PTPRN2: variants seen among roughly 807,000 people sequenced by gnomAD.
PTPRN2 encodes protein tyrosine phosphatase receptor type N2, also known as receptor-type tyrosine-protein phosphatase N2.
Under a neutral mutation model 118.8 loss-of-function variants are expected in PTPRN2, and 74 were observed. The ratio of observed to expected loss-of-function variants is 0.62; its 90% CI spans 0.52 to 0.76. The LOEUF is 0.76. Ranked by LOEUF, PTPRN2 falls within the 30% of genes least tolerant of loss-of-function variation. PTPRN2 has a pLI of 0.00. For synonymous variants in PTPRN2, 641 were observed against 608.0 expected (o/e 1.05, Z -0.80); for missense variants, 1,481 against 1,394.4 (o/e 1.06, Z -0.99).
chr7:158,465,079 C>T (rs759946007), intron 2 of PTPRN2, among the ~76,000 whole-genome samples: 5 of 152,234 alleles, frequency 3.3e-5, no homozygotes, highest in Non-Finnish European at 7.3e-5. Flanking sequence ...GATACAAGTC[C>T]AGATTCCAGC....
At chr7:158,391,811 C>A (rs1056539290) in intron 2 of PTPRN2, among the ~76,000 whole-genome samples, 1 of 152,208 alleles carries the variant, frequency 6.6e-6, no homozygotes, top group Non-Finnish European at 1.5e-5. Flanking sequence ...AGGAAAGGAG[C>A]TGCACCCCCA....
intron 1 of PTPRN2, among the ~76,000 whole-genome samples, chr7:158,534,005 C>CGGG (rs1825453247): frequency 6.6e-6 from 1 of 152,126 alleles, no homozygotes; most frequent in Non-Finnish European, 1.5e-5. Context: ...AGGTTGTGAC[C>CGGG]ACCCACCCCC....
At chr7:157,896,058 G>A (rs1457616505) in intron 12 of PTPRN2, among the ~76,000 whole-genome samples, 1 of 151,774 alleles carries the variant, frequency 6.6e-6, no homozygotes, top group African/African-American at 2.4e-5. Flanking sequence ...GGAGTGCCTG[G>A]ACATCACAGG....
intron 1 of PTPRN2, among the ~76,000 whole-genome samples, chr7:158,527,730 C>G (rs1216563167): frequency 1.3e-5 from 2 of 152,140 alleles, no homozygotes; most frequent in African/African-American, 4.8e-5. Flanking sequence ...CATTCCCTCA[C>G]CGTGACCTCT....
chr7:158,195,009 A>G (rs1170233011), intron 4 of PTPRN2, among the ~76,000 whole-genome samples: 1 of 152,230 alleles, frequency 6.6e-6, no homozygotes, highest in African/African-American at 2.4e-5. Flanking sequence ...GATTTAAGTG[A>G]CAGGAAAACA....
In PTPRN2 at chr7:158,133,943, G is replaced by T. The variant is rs557584329; in HGVS notation, c.1290C>A (p.His430Gln). ...CTTCTGAAGACAGGGAAGACTCAGG[G>T]TGCTCGGACTTCTTCCTCTCCATGT... ...PLDMERKKSE[H>Q]PESSLSSEEE... is the part of the protein sequence containing the mutation. Residue 430 changes from histidine to glutamine, a missense_variant, in exon 9 of 23, where the codon CAC becomes CAA. Around this residue, in one of 3 missense-constraint regions of PTPRN2, gnomAD observed 1,115 missense variants for 994.2 expected, o/e 1.12. Transcript: ENST00000389418. 1 of 1,614,038 alleles carries T rather than the reference G, an allele frequency of 6.2e-7. No homozygotes were observed. The highest frequency in any genetic ancestry group is 2.2e-5 in the East Asian group (1 of 44,886).
intron 3 of PTPRN2, among the ~76,000 whole-genome samples, chr7:158,253,342 G>A (rs1796809014): frequency 6.6e-6 from 1 of 152,184 alleles, no homozygotes; most frequent in South Asian, 2.1e-4. Context: ...GCGGGGCTCT[G>A]CCCATTAAAT....
Position 157,603,868 on chromosome 7 carries a change from A to G in PTPRN2, c.2418+134T>C, listed in dbSNP as rs1801839249. 2.5e-6 allele frequency: 2 copies of G among 814,344 alleles called. No individual in the cohort carries two copies. Among genetic ancestry groups the G allele is most frequent in the South Asian group, 1.7e-5 (1 of 59,574 alleles). 50.4% of individuals were successfully genotyped at this position (814,344 alleles called of 1,614,324 possible). A position where few individuals can be genotyped will look rare whatever the true frequency, so the allele number is the denominator to read the frequency against. On this transcript the variant is annotated intron_variant, in intron 16 of 22. Coordinates refer to ENST00000389418, the MANE Select transcript of PTPRN2 (RefSeq NM_002847.5). The surrounding 1 kb of genome is among the most constrained non-coding windows in gnomAD (Gnocchi z 5.4). ...GGAGTGGCGGGAGCCCAATGGGCAG[A>G]GTCGGCCCTGTCCACCGCAGAGACG...
chr7:158,471,881 G>A (rs535139276), intron 2 of PTPRN2, among the ~76,000 whole-genome samples: 1 of 152,338 alleles, frequency 6.6e-6, no homozygotes, highest in South Asian at 2.1e-4. Flanking sequence ...CGTGTCTGTT[G>A]CCCGTTCTGT....
At chr7:158,472,598 C>T (rs1208883755) in intron 2 of PTPRN2, among the ~76,000 whole-genome samples, 1 of 152,134 alleles carries the variant, frequency 6.6e-6, no homozygotes, top group Non-Finnish European at 1.5e-5. Context: ...CCAAAGCAGC[C>T]CCAGGCTAAG....
rs760703061 is a variant in PTPRN2, at chr7:158,138,469, A to G, written c.957T>C (p.Ala319=). The change falls in exon 7 of 23, where the codon GCT becomes GCC. Residue 319 remains alanine, a synonymous_variant. Transcript: ENST00000389418. The stretch of plus-strand genomic sequence containing the variant: ...CCAGGCCACTCAGGCCCCTCACCTC[A>G]GCCGGCTGCCTCTGCAGGTCCTTCA... The part of the protein sequence containing the change: ...TLLKDLQRQP[A]EVRGLSGLEL... 1.2e-6 allele frequency: 2 copies of G among 1,612,818 alleles called. No homozygotes were observed. The highest frequency in any genetic ancestry group is 1.7e-5 in the Admixed American group (1 of 60,000).
intron 12 of PTPRN2, among the ~76,000 whole-genome samples, chr7:157,817,845 G>GA (rs1386553442): frequency 1.3e-5 from 2 of 152,038 alleles, no homozygotes; most frequent in Non-Finnish European, 1.5e-5. Context: ...TAGCGTATGT[G>GA]TGTGGTGCGT....
intron 11 of PTPRN2, among the ~76,000 whole-genome samples, chr7:157,900,859 T>G (rs1480148307): frequency 6.6e-6 from 1 of 152,242 alleles, no homozygotes; most frequent in Non-Finnish European, 1.5e-5. Flanking sequence ...ACAGTTGACT[T>G]TAGTGCTCAT....
At chr7:158,541,345 T>C in intron 1 of PTPRN2, 1 of 1,064,136 alleles carries the variant, frequency 9.4e-7, no homozygotes. Context: ...TGACCTGTCC[T>C]GAGCCCTACA....
intron 2 of PTPRN2, among the ~76,000 whole-genome samples, chr7:158,441,445 G>A (rs1478392708): frequency 2.7e-5 from 4 of 147,876 alleles, no homozygotes; most frequent in African/African-American, 7.7e-5. Context: ...GATGGCAGTG[G>A]TGGCAGTGGT....
intron 1 of PTPRN2, among the ~76,000 whole-genome samples, chr7:158,582,287 G>A (rs1348473024): frequency 6.6e-6 from 1 of 152,220 alleles, no homozygotes; most frequent in Non-Finnish European, 1.5e-5. Context: ...CTTTCTCTGA[G>A]AAGTGGAACA....
At chr7:157,970,553 T>G (rs951466729) in intron 11 of PTPRN2, among the ~76,000 whole-genome samples, 1 of 151,940 alleles carries the variant, frequency 6.6e-6, no homozygotes, top group Admixed American at 6.6e-5. Flanking sequence ...GGTGGCCAGA[T>G]GCAGCTGCGC....
At chr7:158,571,382 G>A (rs970071783) in intron 1 of PTPRN2, among the ~76,000 whole-genome samples, 3 of 151,674 alleles carry the variant, frequency 2.0e-5, no homozygotes, top group South Asian at 2.1e-4. Flanking sequence ...GGACGCTGAG[G>A]CAGGAGAATC....
chr7:157,755,598 A>G (rs1327195706), intron 12 of PTPRN2, among the ~76,000 whole-genome samples: 1 of 152,206 alleles, frequency 6.6e-6, no homozygotes, highest in Non-Finnish European at 1.5e-5. Flanking sequence ...GCTGGAGGCC[A>G]TGATCCTAAG....
Sources: allele counts gnomAD v4.1 joint callset (sites outside exome capture counted in the v4.1 genomes callset), GRCh38; gene constraint gnomAD v4.1.1; regional missense constraint gnomAD v4.1.1; non-coding constraint Gnocchi (gnomAD v3.1); transcripts MANE v1.5; gene names NCBI Gene and HGNC (gene_info 2026-07-23, HGNC 2026-07-21).